Variants in MAP6 observed in about 807,000 individuals in gnomAD.
MAP6 encodes the protein microtubule associated protein 6.
A neutral mutation model predicts 42.4 loss-of-function variants in MAP6; 26 were observed. That is an observed-to-expected ratio of 0.61 (90% CI 0.45 to 0.85). The LOEUF is 0.85. MAP6 is among the 40% of genes least tolerant of loss of function. The pLI, the probability that MAP6 is intolerant of heterozygous loss-of-function variation, is 0.00. For synonymous variants in MAP6, 418 were observed against 443.8 expected (o/e 0.94, Z 0.73); for missense variants, 966 against 1,099.0 (o/e 0.88, Z 1.71).
chr11:75,620,312 T>G (rs1026880168), intron 1 of MAP6, among the ~76,000 whole-genome samples: 67 of 150,888 alleles, frequency 4.4e-4, no homozygotes, highest in African/African-American at 1.5e-3. Flanking sequence ...TCTATGAAAA[T>G]ATATATAAAT....
intron 1 of MAP6, among the ~76,000 whole-genome samples, chr11:75,660,574 G>A (rs890751698): frequency 2.0e-5 from 3 of 152,030 alleles, no homozygotes; most frequent in East Asian, 1.9e-4. Context: ...TTTTGTACCC[G>A]TATTATGTTA....
rs774863212 is a variant in MAP6 at position 75,605,990 on chromosome 11, A to G, written c.1134T>C (p.Ser378=). ...TCTTTTTTGGTTTGGAACTCTGAACACTAGGTTTTTCCACCTGTACGGAGA... is the reference window on the plus strand; with the variant it reads ...TCTTTTTTGGTTTGGAACTCTGAACGCTAGGTTTTTCCACCTGTACGGAGA... The part of the protein sequence containing the change: ...FKEPPKVEKP[S]VQSSKPKKTS... The change falls in exon 3 of 4, where the codon AGT becomes AGC. Residue 378 remains serine (S), a synonymous_variant. Transcript: ENST00000304771. 5 of 1,613,692 alleles carry G rather than the reference A, an allele frequency of 3.1e-6. No individual in the cohort carries two copies. The highest frequency in any genetic ancestry group is 4.2e-6 in the Non-Finnish European group (5 of 1,180,024).
chr11:75,667,672 G>T lies in MAP6; in HGVS notation c.698C>A (p.Ala233Glu), dbSNP rs972316966. ...GGLAAGKASG[A>E]DERDTRRKAG... ...CTTCCTGCGCGTGTCGCGCTCGTCC[G>T]CCCCGGACGCCTTTCCGGCCGCCAG... is the stretch of plus-strand genomic sequence containing the variant. The change falls in exon 1 of 4, where the codon GCG becomes GAG. Residue 233 changes from alanine (A) to glutamate (E), a missense_variant. Physicochemically the swap from Ala to Glu is moderately radical, Grantham distance 107. Coordinates refer to ENST00000304771, the MANE Select transcript of MAP6 (RefSeq NM_033063.2). This position sits in a 1 kb window ranked among gnomAD's most constrained non-coding sequence, Gnocchi z 5.6. 4.7e-6 allele frequency: 6 copies of T among 1,266,724 alleles called. No individual in the cohort carries two copies. The African/African-American group carries it at 6.2e-5, about 13-fold the overall frequency. The allele number at this position is 1,266,724 out of a possible 1,614,324, so 78.5% of individuals were successfully genotyped here. A position where few individuals can be genotyped will look rare whatever the true frequency, so the allele number is the denominator to read the frequency against.
intron 3 of MAP6, among the ~76,000 whole-genome samples, chr11:75,601,427 A>G (rs1942661792): frequency 6.6e-6 from 1 of 152,126 alleles, no homozygotes; most frequent in African/African-American, 2.4e-5. Context: ...TCTGCCTCAT[A>G]CAAAAGTAGA....
intron 1 of MAP6, among the ~76,000 whole-genome samples, chr11:75,623,309 C>T (rs1043260427): frequency 6.6e-6 from 1 of 152,058 alleles, no homozygotes; most frequent in Non-Finnish European, 1.5e-5. Context: ...CAGTGGTTGC[C>T]GAGGCTTGTG....
intron 1 of MAP6, among the ~76,000 whole-genome samples, chr11:75,626,182 G>C (rs554198662): frequency 5.3e-5 from 8 of 152,276 alleles, no homozygotes; most frequent in African/African-American, 1.7e-4. Context: ...TGCCCTAGAG[G>C]ACAGGAGCGT....
chr11:75,624,932 C>T (rs1310332364), intron 1 of MAP6, among the ~76,000 whole-genome samples: 2 of 152,164 alleles, frequency 1.3e-5, no homozygotes, highest in South Asian at 2.1e-4. Context: ...ATTGAGGATG[C>T]ATCCTAGAGT....
intron 1 of MAP6, among the ~76,000 whole-genome samples, chr11:75,615,455 G>A (rs923617084): frequency 3.9e-5 from 6 of 152,204 alleles, no homozygotes; most frequent in African/African-American, 7.2e-5. Context: ...TTACAGAGTC[G>A]TTTATTCAAG....
intron 1 of MAP6, among the ~76,000 whole-genome samples, chr11:75,614,139 T>C (rs589827): frequency 0.56 from 84,243 of 151,544 alleles, 23,495 homozygotes; most frequent in East Asian, 0.68. Context: ...TTTCTTCCCT[T>C]CCAGACTGTG....
At chr11:75,596,060 C>T (rs1348077629) in intron 3 of MAP6, 2 of 152,184 alleles carry the variant, frequency 1.3e-5, no homozygotes, top group Non-Finnish European at 2.9e-5. Flanking sequence ...AAAATGTTTT[C>T]CTATTTTTAA....
intron 1 of MAP6, among the ~76,000 whole-genome samples, chr11:75,661,212 TA>T (rs1565282980): frequency 1.3e-5 from 2 of 151,992 alleles, no homozygotes; most frequent in East Asian, 1.9e-4. Context: ...ATTGACAGTT[TA>T]AAAAAAATCC....
chr11:75,615,694 T>G (rs1942983570), intron 1 of MAP6, among the ~76,000 whole-genome samples: 2 of 152,232 alleles, frequency 1.3e-5, no homozygotes, highest in Non-Finnish European at 2.9e-5. Flanking sequence ...AGCGCCAGGC[T>G]TCTTTCTGAG....
At chr11:75,611,379 C>G (rs913542373) in intron 1 of MAP6, among the ~76,000 whole-genome samples, 1 of 152,222 alleles carries the variant, frequency 6.6e-6, no homozygotes, top group African/African-American at 2.4e-5. Flanking sequence ...CTCCTGCATC[C>G]CTGCAGTGGC....
intron 1 of MAP6, among the ~76,000 whole-genome samples, chr11:75,646,147 GAAA>G (rs1161605079): frequency 6.6e-6 from 1 of 152,028 alleles, no homozygotes; most frequent in Non-Finnish European, 1.5e-5. Context: ...AAACAAAGAG[GAAA>G]GATTCCATAG....
At position 75,588,181 on chromosome 11, in the gene MAP6, G is replaced by A. The variant is rs1283367299; in HGVS notation, c.1320C>T (p.Ser440=). The change falls in exon 4 of 4, where the codon AGC becomes AGT. Residue 440 remains serine, a synonymous_variant. Transcript: ENST00000304771. ...TTGAATCACTGACGGGTTGAGCCAG[G>A]CTCCTGCAAAGGAGAGAGAGGTGAT... ...MNNKLAEAKE[S]LAQPVSDSSK... The A allele has an allele frequency of 6.2e-7, 1 of 1,610,672 alleles. No individual in the cohort carries two copies. Among genetic ancestry groups the A allele is most frequent in the Admixed American group, 1.7e-5 (1 of 59,658 alleles).
At chr11:75,648,343 T>A (rs1302885819) in intron 1 of MAP6, among the ~76,000 whole-genome samples, 1 of 151,992 alleles carries the variant, frequency 6.6e-6, no homozygotes, top group Non-Finnish European at 1.5e-5. Flanking sequence ...AAAATAATTT[T>A]AAAAACTAGC....
At chr11:75,609,699 T>C (rs1942854086) in intron 1 of MAP6, among the ~76,000 whole-genome samples, 1 of 152,252 alleles carries the variant, frequency 6.6e-6, no homozygotes, top group Admixed American at 6.5e-5. Context: ...TTTGACCTCC[T>C]GTTCTCCGTA....
intron 1 of MAP6, among the ~76,000 whole-genome samples, chr11:75,634,362 C>T (rs887141770): frequency 3.6e-4 from 55 of 152,188 alleles, no homozygotes; most frequent in Admixed American, 1.2e-3. Flanking sequence ...CTGCAACCTT[C>T]GCCTCCTGGG....
intron 1 of MAP6, among the ~76,000 whole-genome samples, chr11:75,659,667 G>C (rs1425810910): frequency 6.6e-6 from 1 of 152,208 alleles, no homozygotes. Context: ...GGCCCATGTT[G>C]AAGTTATCTT....
Sources: gnomAD v4.1 joint callset for allele counts (sites outside exome capture counted in the v4.1 genomes callset) on GRCh38, gnomAD v4.1.1 for gene constraint, Gnocchi (gnomAD v3.1) non-coding constraint, MANE v1.5 for transcripts, NCBI Gene and HGNC (gene_info 2026-07-23, HGNC 2026-07-21) for gene names.